The following LIN54 variants were observed in gnomAD, a reference collection of about 807,000 sequenced individuals.
LIN54 encodes the protein lin-54 DREAM MuvB core complex component, also known as protein lin-54 homolog.
A neutral mutation model predicts 78.7 loss-of-function variants in LIN54; 9 were observed. That is an observed-to-expected ratio of 0.11 (90% CI 0.07 to 0.20). The LOEUF is 0.20. Ranked by LOEUF, LIN54 falls within the 10% of genes least tolerant of loss-of-function variation. The pLI, the probability that LIN54 is intolerant of heterozygous loss-of-function variation, is 1.00. For synonymous variants in LIN54, 269 were observed against 318.4 expected (o/e 0.84, Z 1.65); for missense variants, 573 against 889.9 (o/e 0.64, Z 4.53).
At chr4:82,941,007 T>C (rs911362153) in intron 5 of LIN54, among the ~76,000 whole-genome samples, 9 of 152,288 alleles carry the variant, frequency 5.9e-5, no homozygotes, top group Middle Eastern at 6.8e-3. Flanking sequence ...ATAAATGGCA[T>C]TGTAGCCATT....
rs7676701 is a variant in LIN54 at position 83,001,941 on chromosome 4, A to G, written c.-33+8543T>C. Among the ~76,000 whole-genome samples, 2 of 18,162 alleles carry G rather than the reference A, an allele frequency of 1.1e-4. 1 individual carries two copies. The highest frequency in any genetic ancestry group is 5.1e-4 in the African/African-American group (2 of 3,912). 11.9% of individuals were successfully genotyped at this position (18,162 alleles called of 152,430 possible). On this transcript the variant is annotated intron_variant, in intron 1 of 12. Coordinates refer to ENST00000340417, the MANE Select transcript of LIN54 (RefSeq NM_194282.4). The stretch of plus-strand genomic sequence containing the variant: ...AGGGAGGGAGGGAGGGAAGGAAGGA[A>G]GGAAGGAAGGAAGGAAGGAAGGAAG...
At chr4:82,942,473 A>G (rs2126040095) in intron 5 of LIN54, among the ~76,000 whole-genome samples, 1 of 152,360 alleles carries the variant, frequency 6.6e-6, no homozygotes, top group East Asian at 1.9e-4. Flanking sequence ...ATACCAGAGC[A>G]GTGTGACATC....
chr4:83,005,786 T>C (rs1729307376), intron 1 of LIN54, among the ~76,000 whole-genome samples: 1 of 152,140 alleles, frequency 6.6e-6, no homozygotes, highest in Non-Finnish European at 1.5e-5. Context: ...ACTGGGTACA[T>C]ATCTAAAAGA....
At chr4:83,012,578 C>G (rs1729919243), upstream of LIN54, among the ~76,000 whole-genome samples, 2 of 152,012 alleles carry the variant, frequency 1.3e-5, no homozygotes, top group South Asian at 4.2e-4. Context: ...AGAGACCGAG[C>G]CCCAAGGATC....
intron 1 of LIN54, among the ~76,000 whole-genome samples, chr4:82,996,838 C>T (rs192883238): frequency 2.4e-4 from 36 of 151,944 alleles, no homozygotes; most frequent in Non-Finnish European, 4.1e-4. Context: ...AACAGTCACC[C>T]ATTTAGAAAA....
intron 4 of LIN54, among the ~76,000 whole-genome samples, chr4:82,959,358 G>T (rs899892279): frequency 6.6e-6 from 1 of 152,038 alleles, no homozygotes; most frequent in Non-Finnish European, 1.5e-5. Context: ...AGCTGGGCAT[G>T]GTGGTGCATA....
intron 11 of LIN54, among the ~76,000 whole-genome samples, chr4:82,932,913 C>T (rs1722087118): frequency 6.6e-6 from 1 of 152,020 alleles, no homozygotes; most frequent in Non-Finnish European, 1.5e-5. Context: ...TGATTTCTAA[C>T]GAATTTGAGT....
At chr4:82,928,444 C>G in intron 12 of LIN54, 141 bp from the exon 13 acceptor site, 7 of 679,824 alleles carry the variant, frequency 1.0e-5, no homozygotes, top group Non-Finnish European at 1.5e-5. Flanking sequence ...ACAGTGAGCA[C>G]AAGCACATCC....
intron 9 of LIN54, 84 bp from the exon 10 acceptor site, chr4:82,936,465 T>G: frequency 1.5e-6 from 1 of 680,978 alleles, no homozygotes; most frequent in Non-Finnish European, 2.5e-6. Flanking sequence ...GTATATATAT[T>G]GTACACATAC....
chr4:82,942,562 C>T (rs1722990591), intron 5 of LIN54, among the ~76,000 whole-genome samples: 1 of 152,104 alleles, frequency 6.6e-6, no homozygotes, highest in South Asian at 2.1e-4. Context: ...GTTATAATAA[C>T]CATTGTAGAT....
intron 1 of LIN54, among the ~76,000 whole-genome samples, chr4:82,996,274 A>G (rs575743708): frequency 2.0e-5 from 3 of 152,210 alleles, no homozygotes; most frequent in Admixed American, 2.0e-4. Flanking sequence ...CCACTCCAAG[A>G]AAAGAGAGGC....
chr4:82,941,166 A>ATATATATATATATATG (rs1423812376), intron 5 of LIN54, among the ~76,000 whole-genome samples: 1 of 149,236 alleles, frequency 6.7e-6, no homozygotes, highest in Non-Finnish European at 1.5e-5. Context: ...ATATATATAT[A>ATATATATATATATATG]TATATATATC....
chr4:82,949,098 T>C (rs1380404290), intron 4 of LIN54, among the ~76,000 whole-genome samples: 1 of 152,172 alleles, frequency 6.6e-6, no homozygotes, highest in Non-Finnish European at 1.5e-5. Flanking sequence ...CACACTGTTT[T>C]CCATAATGGC....
chr4:82,928,269 C>T lies in LIN54; in HGVS notation c.2083G>A (p.Glu695Lys). 1 of 1,614,190 alleles carries T rather than the reference C, an allele frequency of 6.2e-7. No homozygotes were observed. The highest frequency in any genetic ancestry group is 8.5e-7 in the Non-Finnish European group (1 of 1,179,986). Reference protein sequence around the residue: ...PFTFVTKEVAEATCNCLLAQA... With the variant: ...PFTFVTKEVAKATCNCLLAQA... ...GCAAGGAGGCAATTACATGTGGCTT[C>T]AGCTACTTCCTTAGTTACAAATGTA... is the stretch of plus-strand genomic sequence containing the variant. The change falls in exon 13 of 13, where the codon GAA (glutamate) becomes AAA (lysine). Residue 695 changes from glutamate (E) to lysine (K), a missense_variant. By Grantham distance (56) the Glu-to-Lys change is moderately conservative. Coordinates refer to ENST00000340417, the MANE Select transcript of LIN54 (RefSeq NM_194282.4).
rs1467679596 is a variant in LIN54 at position 82,999,642 on chromosome 4, G to T, written c.-33+10842C>A. On this transcript the variant is annotated intron_variant, in intron 1 of 12. Coordinates refer to ENST00000340417, the MANE Select transcript of LIN54 (RefSeq NM_194282.4). ...AAAATACAAAAATTAGCTGTGCACG[G>T]TGGTACACGCCTGTGGTCCCAGCTA... Among the ~76,000 whole-genome samples the T allele has an allele frequency of 3.9e-5, 6 of 151,970 alleles. No individual in the cohort carries two copies. The South Asian group carries it at 1.2e-3, about 32-fold the overall frequency.
Position 82,925,346 on chromosome 4 carries a change from A to T in LIN54, c.*2756T>A, listed in dbSNP as rs1370324901. On this transcript the variant is annotated 3_prime_UTR_variant, in exon 13 of 13. Transcript: ENST00000340417. ...GTAGCGAGGACTGCAGGTGTGCGCC[A>T]CCACACGCAGTGAATTTTTTTATAT... 1 of 152,190 alleles carries T rather than the reference A, an allele frequency of 6.6e-6. No individual in the cohort carries two copies. Among genetic ancestry groups the T allele is most frequent in the Non-Finnish European group, 1.5e-5 (1 of 68,060 alleles). The allele number at this position is 152,190 out of a possible 1,614,324, so 9.4% of individuals were successfully genotyped here.
At chr4:82,981,412 C>A (rs558355035) in intron 2 of LIN54, among the ~76,000 whole-genome samples, 232 of 152,186 alleles carry the variant, frequency 1.5e-3, no homozygotes, top group African/African-American at 5.2e-3. Context: ...CATCTTCCAC[C>A]GTTGCCTGCT....
rs114331982 is a variant in LIN54, at chr4:82,942,741, A to T, written c.1169-2779T>A. ...GAGCAATGACCAGTGGAATCCAAAA[A>T]CTTCCTGGTGGTCCTGAGAAATAAC... is the stretch of plus-strand genomic sequence containing the variant. On this transcript the variant is annotated intron_variant, in intron 5 of 12. Coordinates refer to ENST00000340417, the MANE Select transcript of LIN54 (RefSeq NM_194282.4). Among the ~76,000 whole-genome samples the T allele has an allele frequency of 6.9e-3, 1,042 of 152,004 alleles. 12 individuals are homozygous for T. Among genetic ancestry groups the T allele is most frequent in the African/African-American group, 0.024 (989 of 41,458 alleles).
At chr4:82,944,259 T>G (rs149478651) in intron 5 of LIN54, among the ~76,000 whole-genome samples, 5 of 152,332 alleles carry the variant, frequency 3.3e-5, no homozygotes, top group Non-Finnish European at 7.3e-5. Flanking sequence ...ATGAATAAAT[T>G]AATGTTAACA....
Sources: gnomAD v4.1 joint callset for allele counts (sites outside exome capture counted in the v4.1 genomes callset) on GRCh38, gnomAD v4.1.1 for gene constraint, MANE v1.5 for transcripts, NCBI Gene and HGNC (gene_info 2026-07-23, HGNC 2026-07-21) for gene names.